The following NLGN1 variants were observed in gnomAD, a reference collection of about 807,000 sequenced individuals.
NLGN1 encodes the protein neuroligin-1.
NLGN1 carries 12 observed loss-of-function variants against 65.5 expected under a neutral mutation model. That is an observed-to-expected ratio of 0.18 (90% CI 0.12 to 0.30). NLGN1 has a LOEUF of 0.30. NLGN1 is among the 10% of genes least tolerant of loss of function. NLGN1 has a pLI of 1.00. For missense variants in NLGN1, 750 were observed against 1,007.1 expected, an observed-to-expected ratio of 0.74 and a Z score of 3.46; for synonymous variants, 350 against 359.5, an observed-to-expected ratio of 0.97 and a Z score of 0.30.
intron 4 of NLGN1, among the ~76,000 whole-genome samples, chr3:173,956,068 G>A (rs936889205): frequency 6.6e-6 from 1 of 152,026 alleles, no homozygotes; most frequent in African/African-American, 2.4e-5. Context: ...CTTTCGTAGA[G>A]CTTATATAGA....
At chr3:174,290,069 A>T (rs1752591664), downstream of NLGN1, among the ~76,000 whole-genome samples, 1 of 150,062 alleles carries the variant, frequency 6.7e-6, no homozygotes, top group African/African-American at 2.4e-5. Context: ...AATAGAAGAT[A>T]AAAGTAAGTT....
chr3:173,831,282 A>G (rs999970781), intron 4 of NLGN1, among the ~76,000 whole-genome samples: 3 of 152,340 alleles, frequency 2.0e-5, no homozygotes, highest in South Asian at 4.1e-4. Context: ...ACCTGCACAT[A>G]CATTTGAAAA....
chr3:174,190,063 T>C (rs567673523), intron 4 of NLGN1, among the ~76,000 whole-genome samples: 5 of 152,022 alleles, frequency 3.3e-5, no homozygotes, highest in Admixed American at 6.6e-5. Flanking sequence ...GGACATAGAG[T>C]GGAAAAGGTA....
chr3:173,785,851 C>CA (rs1272588658), intron 3 of NLGN1, among the ~76,000 whole-genome samples: 4 of 152,108 alleles, frequency 2.6e-5, no homozygotes, highest in Non-Finnish European at 5.9e-5. Flanking sequence ...CTTATAGTAT[C>CA]AAACATTTCC....
chr3:173,753,960 ATAATATAAT>A (rs1002851055), intron 3 of NLGN1, among the ~76,000 whole-genome samples: 4 of 103,408 alleles, frequency 3.9e-5, no homozygotes, highest in Non-Finnish European at 9.7e-5. Flanking sequence ...ATAATATAAT[ATAATATAAT>A]ATAATATCTA....
intron 4 of NLGN1, among the ~76,000 whole-genome samples, chr3:173,881,787 A>T (rs1184611430): frequency 6.6e-6 from 1 of 152,122 alleles, no homozygotes; most frequent in Non-Finnish European, 1.5e-5. Context: ...GTTATCCATG[A>T]GGATTGGAAT....
intron 3 of NLGN1, among the ~76,000 whole-genome samples, chr3:173,742,374 T>C (rs1774785367): frequency 6.6e-6 from 1 of 151,326 alleles, no homozygotes; most frequent in African/African-American, 2.4e-5. Flanking sequence ...TTAAATGTAA[T>C]TAACACCTGT....
chr3:174,199,764 C>G (rs1312980131), intron 4 of NLGN1, among the ~76,000 whole-genome samples: 1 of 152,162 alleles, frequency 6.6e-6, no homozygotes, highest in Admixed American at 6.5e-5. Flanking sequence ...TTATTAGATG[C>G]CTATCATGTG....
chr3:173,915,551 T>G (rs1038542272), intron 4 of NLGN1, among the ~76,000 whole-genome samples: 7 of 152,210 alleles, frequency 4.6e-5, no homozygotes, highest in Non-Finnish European at 1.0e-4. Context: ...ATTCTTTGCC[T>G]TATAACTAAC....
At chr3:173,686,233 T>C (rs556291247) in intron 3 of NLGN1, among the ~76,000 whole-genome samples, 17 of 151,726 alleles carry the variant, frequency 1.1e-4, no homozygotes, top group African/African-American at 3.4e-4. Flanking sequence ...CTCTTAATAT[T>C]GTACTAAGAT....
chr3:173,834,333 A>G (rs969326945), intron 4 of NLGN1, among the ~76,000 whole-genome samples: 1 of 152,044 alleles, frequency 6.6e-6, no homozygotes, highest in Non-Finnish European at 1.5e-5. Context: ...TTTTTGGAAA[A>G]TTCTTGATCT....
chr3:173,424,983 T>C (rs1486495609), intron 1 of NLGN1, among the ~76,000 whole-genome samples: 2 of 152,160 alleles, frequency 1.3e-5, no homozygotes, highest in Admixed American at 6.6e-5. Context: ...GGGTAACTTA[T>C]AAAAGAAAGA....
intron 5 of NLGN1, among the ~76,000 whole-genome samples, chr3:174,276,401 A>T (rs1236468929): frequency 6.6e-6 from 1 of 151,982 alleles, no homozygotes; most frequent in Non-Finnish European, 1.5e-5. Context: ...CAAAGCAAAT[A>T]CTTTTTCTGC....
chr3:173,834,806 CTG>C (rs1199799683), intron 4 of NLGN1, among the ~76,000 whole-genome samples: 3 of 152,170 alleles, frequency 2.0e-5, no homozygotes. Flanking sequence ...CTATGCTAAA[CTG>C]TATTTATCTC....
chr3:173,554,635 G>T (rs1741423817), intron 2 of NLGN1, among the ~76,000 whole-genome samples: 1 of 152,184 alleles, frequency 6.6e-6, no homozygotes, highest in Admixed American at 6.5e-5. Flanking sequence ...CCTTTTTATT[G>T]ATGAATAGTA....
At chr3:174,051,304 C>G (rs1014570705) in intron 4 of NLGN1, among the ~76,000 whole-genome samples, 2 of 151,886 alleles carry the variant, frequency 1.3e-5, no homozygotes, top group African/African-American at 2.4e-5. Context: ...TTTCATAGTC[C>G]CAGTTTAAGA....
At position 174,042,021 on chromosome 3, in the gene NLGN1, T is replaced by C. The variant is rs536762353; in HGVS notation, c.647-233294T>C. ...GTGAGCTGAGATTGTGCCACTGCAC[T>C]CCAGTCTGGGTGACAGAGTGAGAGT... On this transcript the variant is annotated intron_variant, in intron 4 of 6. Coordinates refer to ENST00000457714, the Ensembl canonical transcript of NLGN1. Among the ~76,000 whole-genome samples the C allele has an allele frequency of 1.2e-4, 19 of 152,154 alleles. No individual in the cohort carries two copies. The Middle Eastern group carries it at 0.014, about 109-fold the overall frequency.
At chr3:173,859,949 T>A (rs1728740555) in intron 4 of NLGN1, among the ~76,000 whole-genome samples, 1 of 152,076 alleles carries the variant, frequency 6.6e-6, no homozygotes, top group African/African-American at 2.4e-5. Context: ...GTGTGCTCTC[T>A]TATTTTCTTG....
At chr3:174,277,038 A>G (rs1180502850) in intron 5 of NLGN1, among the ~76,000 whole-genome samples, 2 of 151,962 alleles carry the variant, frequency 1.3e-5, no homozygotes, top group Admixed American at 6.6e-5. Context: ...CCAGTCATCA[A>G]CTGATGGCAT....
Sources: gnomAD v4.1 joint callset for allele counts (sites outside exome capture counted in the v4.1 genomes callset) on GRCh38, gnomAD v4.1.1 for gene constraint, MANE v1.5 for transcripts, NCBI Gene and HGNC (gene_info 2026-07-23, HGNC 2026-07-21) for gene names.